The following COLGALT2 variants were observed in gnomAD, a reference collection of about 807,000 sequenced individuals.
COLGALT2 encodes collagen beta(1-O)galactosyltransferase 2.
A neutral mutation model predicts 73.4 loss-of-function variants in COLGALT2; 49 were observed. That is an observed-to-expected ratio of 0.67 (90% CI 0.53 to 0.85). COLGALT2 has a LOEUF of 0.85. Among genes scored for constraint, COLGALT2 ranks in the 40% least tolerant of loss-of-function variants. COLGALT2 has a pLI of 0.00. For synonymous variants in COLGALT2, 295 were observed against 307.6 expected (o/e 0.96, Z 0.43); for missense variants, 722 against 790.2 (o/e 0.91, Z 1.03).
chr1:184,024,683 G>A (rs1240763810), intron 1 of COLGALT2, among the ~76,000 whole-genome samples: 3 of 136,876 alleles, frequency 2.2e-5, no homozygotes, highest in Admixed American at 8.0e-5. Flanking sequence ...TCTGAGCAGA[G>A]ATAAAAATTA....
At chr1:183,996,390 T>C (rs1483841744) in intron 1 of COLGALT2, among the ~76,000 whole-genome samples, 1 of 152,220 alleles carries the variant, frequency 6.6e-6, no homozygotes, top group Admixed American at 6.5e-5. Context: ...TAGACAGTGA[T>C]TGGGCTTCAG....
At chr1:183,931,278 C>G (rs1287389486), downstream of COLGALT2, among the ~76,000 whole-genome samples, 1 of 152,122 alleles carries the variant, frequency 6.6e-6, no homozygotes. Context: ...GGCTCCATCC[C>G]CAGCCTTCCA....
intron 6 of COLGALT2, among the ~76,000 whole-genome samples, chr1:183,960,326 T>A (rs1428721420): frequency 6.6e-6 from 1 of 152,230 alleles, no homozygotes; most frequent in Non-Finnish European, 1.5e-5. Flanking sequence ...TGTAGTGTCC[T>A]CACCATACCA....
chr1:183,963,785 C>T, intron 6 of COLGALT2, 116 bp downstream of exon 6: 1 of 1,094,870 alleles, frequency 9.1e-7, no homozygotes, highest in Non-Finnish European at 1.3e-6. Flanking sequence ...GCTATGTATT[C>T]AGCCAGGGGA....
rs143870839 is a variant in COLGALT2, at chr1:184,013,681, A to G, written c.263+23414T>C. Among the ~76,000 whole-genome samples the G allele has an allele frequency of 4.5e-4, 69 of 152,200 alleles. No homozygotes were observed. The East Asian group carries it at 9.5e-3, about 21-fold the overall frequency. On this transcript the variant is annotated intron_variant, in intron 1 of 11. Coordinates refer to ENST00000361927, the MANE Select transcript of COLGALT2 (RefSeq NM_015101.4). ...AGGTCTTTGAAGGTTTGGGAGTAAT[A>G]TGGCCAAGTTTTACCTAAAGAAAGG...
chr1:184,007,945 G>A (rs1672128039), intron 1 of COLGALT2, among the ~76,000 whole-genome samples: 2 of 152,122 alleles, frequency 1.3e-5, no homozygotes, highest in Admixed American at 6.6e-5. Context: ...CAGGGCCCAC[G>A]CTTGGCACTG....
intron 1 of COLGALT2, among the ~76,000 whole-genome samples, chr1:184,029,506 G>C (rs2102861018): frequency 6.6e-6 from 1 of 152,270 alleles, no homozygotes; most frequent in East Asian, 1.9e-4. Flanking sequence ...CACACAGTGT[G>C]GGTCTGATGG....
chr1:184,031,906 T>C (rs1163439393), intron 1 of COLGALT2, among the ~76,000 whole-genome samples: 1 of 151,872 alleles, frequency 6.6e-6, no homozygotes, highest in Non-Finnish European at 1.5e-5. Flanking sequence ...TTCCTTTTTC[T>C]TTTCTTTTGA....
At chr1:183,998,520 C>T (rs924670223) in intron 1 of COLGALT2, among the ~76,000 whole-genome samples, 5 of 152,132 alleles carry the variant, frequency 3.3e-5, no homozygotes, top group Non-Finnish European at 7.4e-5. Context: ...AAAGTCCCCT[C>T]ATCTTATTGT....
At chr1:183,951,731 T>C (rs1670407119) in intron 7 of COLGALT2, among the ~76,000 whole-genome samples, 1 of 152,216 alleles carries the variant, frequency 6.6e-6, no homozygotes, top group African/African-American at 2.4e-5. Flanking sequence ...CCCATGTTCA[T>C]AGATTGGAAT....
At chr1:183,992,197 A>G (rs751410) in intron 1 of COLGALT2, among the ~76,000 whole-genome samples, 12,716 of 152,226 alleles carry the variant, frequency 0.084, 901 homozygotes, top group East Asian at 0.41. Flanking sequence ...AGGTCCAGAG[A>G]GGTGACACAT....
chr1:184,014,822 T>G (rs1245752664), intron 1 of COLGALT2, among the ~76,000 whole-genome samples: 1 of 152,192 alleles, frequency 6.6e-6, no homozygotes, highest in Non-Finnish European at 1.5e-5. Flanking sequence ...GAAATAATTT[T>G]CATCCACTAG....
At chr1:184,016,711 AATAT>A (rs1425397856) in intron 1 of COLGALT2, among the ~76,000 whole-genome samples, 1 of 152,202 alleles carries the variant, frequency 6.6e-6, no homozygotes, top group African/African-American at 2.4e-5. Context: ...TTTATATAAA[AATAT>A]ATAAAGTAAC....
At chr1:183,997,926 T>C (rs1016071762) in intron 1 of COLGALT2, among the ~76,000 whole-genome samples, 1 of 152,224 alleles carries the variant, frequency 6.6e-6, no homozygotes, top group Non-Finnish European at 1.5e-5. Flanking sequence ...CAGTGGACAT[T>C]TAGCATATTT....
At chr1:184,027,096 TTAATAA>T (rs1330808513) in intron 1 of COLGALT2, among the ~76,000 whole-genome samples, 2 of 152,176 alleles carry the variant, frequency 1.3e-5, no homozygotes, top group Non-Finnish European at 2.9e-5. Context: ...TGTGCTTGAC[TTAATAA>T]TAATAACAAA....
At chr1:183,998,936 T>G (rs896472256) in intron 1 of COLGALT2, among the ~76,000 whole-genome samples, 1 of 152,136 alleles carries the variant, frequency 6.6e-6, no homozygotes, top group Non-Finnish European at 1.5e-5. Context: ...CCAATTTGTA[T>G]AATTTATCTG....
chr1:183,948,916 A>C (rs1237720341), intron 8 of COLGALT2, among the ~76,000 whole-genome samples: 1 of 152,196 alleles, frequency 6.6e-6, no homozygotes, highest in African/African-American at 2.4e-5. Context: ...TACAAAAATC[A>C]ATTGTATTCT....
chr1:183,999,043 CTTTA>C (rs1246392872), intron 1 of COLGALT2, among the ~76,000 whole-genome samples: 1 of 151,584 alleles, frequency 6.6e-6, no homozygotes, highest in Non-Finnish European at 1.5e-5. Flanking sequence ...CTTTTACTTC[CTTTA>C]TTTATAGCAT....
rs187527296 is a variant in COLGALT2 at position 184,032,130 on chromosome 1, G to T, written c.263+4965C>A. Among the ~76,000 whole-genome samples the T allele has an allele frequency of 7.2e-5, 11 of 152,120 alleles. No individual in the cohort carries two copies. The East Asian group carries it at 2.1e-3, about 29-fold the overall frequency. Reference sequence around the variant, plus strand: ...GCTGGTCTTGAACTCCTTGGCTTAAGAAATCTGCCCACCTCGGCCCCCCAA... The same window carrying T: ...GCTGGTCTTGAACTCCTTGGCTTAATAAATCTGCCCACCTCGGCCCCCCAA... On this transcript the variant is annotated intron_variant, in intron 1 of 11. Coordinates refer to ENST00000361927, the MANE Select transcript of COLGALT2 (RefSeq NM_015101.4).
Sources: allele counts gnomAD v4.1 joint callset (sites outside exome capture counted in the v4.1 genomes callset), GRCh38; gene constraint gnomAD v4.1.1; transcripts MANE v1.5; gene names NCBI Gene and HGNC (gene_info 2026-07-23, HGNC 2026-07-21).